SLC1A1: variants seen among roughly 807,000 people sequenced by gnomAD.
SLC1A1 encodes solute carrier family 1 member 1, also known as excitatory amino acid transporter 3.
Under a neutral mutation model 53.3 loss-of-function variants are expected in SLC1A1, and 43 were observed. The ratio of observed to expected loss-of-function variants is 0.81; its 90% CI spans 0.63 to 1.04. SLC1A1 has a LOEUF of 1.04. Ranked by LOEUF, SLC1A1 falls within the 50% of genes least tolerant of loss-of-function variation. The pLI, the probability that SLC1A1 is intolerant of heterozygous loss-of-function variation, is 0.00. For synonymous variants in SLC1A1, 307 were observed against 243.2 expected (o/e 1.26, Z -2.44); for missense variants, 748 against 664.9 (o/e 1.12, Z -1.37).
At chr9:4,513,519 T>A (rs1368671539) in intron 1 of SLC1A1, among the ~76,000 whole-genome samples, 1 of 152,150 alleles carries the variant, frequency 6.6e-6, no homozygotes, top group African/African-American at 2.4e-5. Flanking sequence ...AGTAAATACC[T>A]ATTAGAGTGG....
chr9:4,533,544 G>A (rs7852263), intron 1 of SLC1A1, among the ~76,000 whole-genome samples: 2,211 of 152,226 alleles, frequency 0.015, 46 homozygotes, highest in African/African-American at 0.051. Flanking sequence ...CCCAATACAG[G>A]AGCACCCAGA....
At chr9:4,560,243 C>A (rs10974623) in intron 2 of SLC1A1, among the ~76,000 whole-genome samples, 34,174 of 151,976 alleles carry the variant, frequency 0.22, 4,690 homozygotes, top group East Asian at 0.46. Context: ...ACACACTAAC[C>A]AGAATGGATA....
intron 1 of SLC1A1, among the ~76,000 whole-genome samples, chr9:4,498,304 T>C (rs548231333): frequency 1.7e-4 from 26 of 152,182 alleles, no homozygotes; most frequent in Non-Finnish European, 2.9e-4. Flanking sequence ...GCTATTACCA[T>C]GGTAATATGT....
At chr9:4,526,402 A>T (rs115881702) in intron 1 of SLC1A1, among the ~76,000 whole-genome samples, 1 of 152,218 alleles carries the variant, frequency 6.6e-6, no homozygotes, top group Admixed American at 6.5e-5. Flanking sequence ...ATACATCCAG[A>T]CTGATACCAT....
chr9:4,538,884 T>A (rs1052709413), intron 1 of SLC1A1, among the ~76,000 whole-genome samples: 1 of 152,238 alleles, frequency 6.6e-6, no homozygotes, highest in Non-Finnish European at 1.5e-5. Flanking sequence ...TGTCAGTAAG[T>A]GTTCTTCTAA....
intron 9 of SLC1A1, 98 bp from the exon 10 acceptor site, chr9:4,576,471 G>T (rs767812110): frequency 2.9e-4 from 281 of 961,652 alleles, no homozygotes; most frequent in Non-Finnish European, 4.4e-4. Context: ...TACCTAAAAG[G>T]ACCCTTTGTT....
chr9:4,507,157 C>A (rs529372180), intron 1 of SLC1A1, among the ~76,000 whole-genome samples: 5 of 152,212 alleles, frequency 3.3e-5, no homozygotes, highest in Admixed American at 3.3e-4. Flanking sequence ...TGGCGTGAAC[C>A]CGGGAGGTGG....
In SLC1A1 at chr9:4,573,915, C is replaced by T. The variant is rs1820306299; in HGVS notation, c.776C>T (p.Pro259Leu). 2.5e-6 allele frequency: 4 copies of T among 1,606,220 alleles called. No individual in the cohort carries two copies. The highest frequency in any genetic ancestry group is 3.4e-6 in the Non-Finnish European group (4 of 1,172,828). ...KIVQIIMCYM[P>L]LGILFLIAGK... The stretch of plus-strand genomic sequence containing the variant: ...TTGTGCTTCCTTTCCAGTTATATGC[C>T]ACTAGGTATTTTGTTCCTGATTGCT... Residue 259 changes from proline (P) to leucine (L), a missense_variant, in exon 8 of 12, where the codon CCA becomes CTA. By Grantham distance (98) the Pro-to-Leu change is moderately conservative. Coordinates refer to ENST00000262352, the MANE Select transcript of SLC1A1 (RefSeq NM_004170.6).
At position 4,576,084 on chromosome 9, in the gene SLC1A1, T is replaced by C; in HGVS notation, c.959T>C (p.Met320Thr). 1 of 1,613,900 alleles carries C rather than the reference T, an allele frequency of 6.2e-7. No homozygotes were observed. Among genetic ancestry groups the C allele is most frequent in the Non-Finnish European group, 8.5e-7 (1 of 1,179,720 alleles). ...AACCCTTTCCGATTTGCCATGGGAA[T>C]GGCCCAGGCTCTCCTGACAGCTCTC... ...RKNPFRFAMG[M>T]AQALLTALMI... The change falls in exon 9 of 12, where the codon ATG (methionine) becomes ACG (threonine). Residue 320 changes from methionine to threonine, a missense_variant. By Grantham distance (81) the Met-to-Thr change is moderately conservative. Coordinates refer to ENST00000262352, the MANE Select transcript of SLC1A1 (RefSeq NM_004170.6).
chr9:4,522,813 C>T (rs139781256), intron 1 of SLC1A1, among the ~76,000 whole-genome samples: 58 of 152,282 alleles, frequency 3.8e-4, no homozygotes, highest in African/African-American at 1.4e-3. Flanking sequence ...GGGAGACCCC[C>T]ACCTCCATGA....
chr9:4,521,911 G>A (rs1434438444), intron 1 of SLC1A1, among the ~76,000 whole-genome samples: 1 of 152,128 alleles, frequency 6.6e-6, no homozygotes, highest in Admixed American at 6.6e-5. Context: ...GTTGCTTGAG[G>A]CTTGCAGCAG....
At chr9:4,520,798 G>C (rs771444600) in intron 1 of SLC1A1, among the ~76,000 whole-genome samples, 1 of 152,140 alleles carries the variant, frequency 6.6e-6, no homozygotes, top group Non-Finnish European at 1.5e-5. Context: ...CAATTGCTGG[G>C]TCACATGGTA....
intron 1 of SLC1A1, among the ~76,000 whole-genome samples, chr9:4,500,531 G>C (rs532895669): frequency 2.0e-5 from 3 of 152,220 alleles, no homozygotes; most frequent in Admixed American, 2.0e-4. Flanking sequence ...AGCTGCTCTC[G>C]AACTGTTAAC....
chr9:4,516,116 G>T (rs1484733298), intron 1 of SLC1A1, among the ~76,000 whole-genome samples: 1 of 152,172 alleles, frequency 6.6e-6, no homozygotes, highest in Admixed American at 6.5e-5. Flanking sequence ...TTGCCATAAA[G>T]AAAGAGGAAA....
At position 4,568,655 on chromosome 9, in the gene SLC1A1, C is replaced by T. The variant is rs139302877; in HGVS notation, c.582+888C>T. Among the ~76,000 whole-genome samples, 630 of 149,810 alleles carry T rather than the reference C, an allele frequency of 4.2e-3. 7 individuals are homozygous for T. The highest frequency in any genetic ancestry group is 0.015 in the African/African-American group (602 of 40,626). On this transcript the variant is annotated intron_variant, in intron 6 of 11. Transcript: ENST00000262352. ...AGGATCGTTTGAGCTATGATTGCACCACTGCACTCAGCCTGGGTGACAGAG... is the reference window on the plus strand; with the variant it reads ...AGGATCGTTTGAGCTATGATTGCACTACTGCACTCAGCCTGGGTGACAGAG...
chr9:4,495,656 G>C (rs1394329222), intron 1 of SLC1A1, among the ~76,000 whole-genome samples: 1 of 152,094 alleles, frequency 6.6e-6, no homozygotes, highest in African/African-American at 2.4e-5. Flanking sequence ...GGAGTAGAAT[G>C]AGGGAGGGAA....
intron 1 of SLC1A1, among the ~76,000 whole-genome samples, chr9:4,502,430 G>A (rs1255463758): frequency 7.2e-6 from 1 of 138,746 alleles, no homozygotes; most frequent in Non-Finnish European, 1.5e-5. Flanking sequence ...CCTGAAGTAT[G>A]AGACATTGAG....
At position 4,583,599 on chromosome 9, in the gene SLC1A1, G is replaced by A. The variant is rs537391939; in HGVS notation, c.1328+427G>A. On this transcript the variant is annotated intron_variant, in intron 11 of 11. Coordinates refer to ENST00000262352, the MANE Select transcript of SLC1A1 (RefSeq NM_004170.6). The surrounding 1 kb of genome is among the most constrained non-coding windows in gnomAD (Gnocchi z 4.6). The stretch of plus-strand genomic sequence containing the variant: ...ATCAGGGACAGTGGCACAAGCACTT[G>A]GGTTTGAATCTCCGTCCTGTGTCTT... Among the ~76,000 whole-genome samples, 4 of 152,268 alleles carry A rather than the reference G, an allele frequency of 2.6e-5. No individual in the cohort carries two copies. The highest frequency in any genetic ancestry group is 4.8e-5 in the African/African-American group (2 of 41,558).
At chr9:4,576,205 G>C (rs1428598699) in intron 9 of SLC1A1, 82 bp downstream of exon 9, 4 of 1,421,336 alleles carry the variant, frequency 2.8e-6, no homozygotes, top group South Asian at 1.2e-5. Flanking sequence ...ACAGACTCCA[G>C]CTTGCGGTTT....
Sources: allele counts gnomAD v4.1 joint callset (sites outside exome capture counted in the v4.1 genomes callset), GRCh38; gene constraint gnomAD v4.1.1; non-coding constraint Gnocchi (gnomAD v3.1); transcripts MANE v1.5; gene names NCBI Gene and HGNC (gene_info 2026-07-23, HGNC 2026-07-21).